The following ADAMTSL1 variants were observed in gnomAD, a reference collection of about 807,000 sequenced individuals.
ADAMTSL1 encodes the protein ADAMTS-like protein 1.
ADAMTSL1 carries 126 observed loss-of-function variants against 201.8 expected under a neutral mutation model. The observed-to-expected ratio is 0.62, with a 90% confidence interval of 0.54 to 0.72. The LOEUF is 0.72. Among genes scored for constraint, ADAMTSL1 ranks in the 30% least tolerant of loss-of-function variants. The pLI is 0.00. For missense variants in ADAMTSL1, 2,679 were observed against 2,277.8 expected, an observed-to-expected ratio of 1.18 and a Z score of -3.59; for synonymous variants, 1,121 against 903.4, an observed-to-expected ratio of 1.24 and a Z score of -4.32.
chr9:18,289,492 A>T (rs1029081732), intron 2 of ADAMTSL1, among the ~76,000 whole-genome samples: 14 of 152,226 alleles, frequency 9.2e-5, no homozygotes, highest in Non-Finnish European at 1.5e-4. Context: ...AGTTCAGCCA[A>T]CCATAGGAAT....
At chr9:18,009,037 C>A (rs558519423) in intron 1 of ADAMTSL1, among the ~76,000 whole-genome samples, 1 of 152,040 alleles carries the variant, frequency 6.6e-6, no homozygotes, top group Admixed American at 6.6e-5. Context: ...GCTGGTTACT[C>A]TCCCCTGCAG....
intron 2 of ADAMTSL1, among the ~76,000 whole-genome samples, chr9:18,323,616 C>A (rs1834713063): frequency 6.6e-6 from 1 of 152,006 alleles, no homozygotes; most frequent in Admixed American, 6.6e-5. Flanking sequence ...CCTAAATCAT[C>A]CACAAAAACA....
intron 23 of ADAMTSL1, among the ~76,000 whole-genome samples, chr9:18,887,391 T>C (rs955596678): frequency 2.0e-5 from 3 of 152,226 alleles, no homozygotes; most frequent in Admixed American, 2.0e-4. Flanking sequence ...TGAGGGAATA[T>C]GATACTTTTA....
intron 19 of ADAMTSL1, 122 bp downstream of exon 19, chr9:18,778,028 A>G: frequency 7.7e-7 from 1 of 1,299,346 alleles, no homozygotes; most frequent in East Asian, 2.5e-5. Flanking sequence ...GGCCTCGGGG[A>G]CCCCATCATG....
At chr9:18,867,839 G>T (rs1029783193) in intron 23 of ADAMTSL1, among the ~76,000 whole-genome samples, 4 of 152,074 alleles carry the variant, frequency 2.6e-5, no homozygotes, top group Non-Finnish European at 4.4e-5. Flanking sequence ...TCTTGGCCAG[G>T]CTGGTCTTGA....
chr9:18,853,918 T>TGTGCGCGC (rs139332733), intron 23 of ADAMTSL1, among the ~76,000 whole-genome samples: 12 of 145,488 alleles, frequency 8.2e-5, no homozygotes, highest in Admixed American at 2.0e-4. Flanking sequence ...TGTGTGTGTG[T>TGTGCGCGC]GCGCGTGCAT....
At chr9:18,658,300 T>C (rs1828849909) in intron 8 of ADAMTSL1, among the ~76,000 whole-genome samples, 1 of 152,182 alleles carries the variant, frequency 6.6e-6, no homozygotes, top group Non-Finnish European at 1.5e-5. Context: ...CTTCTCTCCT[T>C]GATTTTGTAG....
At chr9:18,121,587 C>G (rs147367124) in intron 1 of ADAMTSL1, among the ~76,000 whole-genome samples, 3,235 of 152,192 alleles carry the variant, frequency 0.021, 41 homozygotes, top group Middle Eastern at 0.075. Flanking sequence ...TATTTGAAAT[C>G]CCACTGAAAA....
At chr9:18,124,015 TTTG>T (rs1825617691) in intron 1 of ADAMTSL1, among the ~76,000 whole-genome samples, 1 of 152,020 alleles carries the variant, frequency 6.6e-6, no homozygotes, top group Admixed American at 6.6e-5. Context: ...TCATTGTGGT[TTTG>T]ATTTGCATTT....
At chr9:17,918,338 A>T (rs565969907) in intron 1 of ADAMTSL1, among the ~76,000 whole-genome samples, 2 of 150,048 alleles carry the variant, frequency 1.3e-5, no homozygotes, top group South Asian at 4.2e-4. Flanking sequence ...TTCTATATGT[A>T]TTTTTTTTTC....
At chr9:18,071,934 A>G (rs1822988481) in intron 1 of ADAMTSL1, among the ~76,000 whole-genome samples, 1 of 152,196 alleles carries the variant, frequency 6.6e-6, no homozygotes, top group Admixed American at 6.5e-5. Flanking sequence ...CATCTCCATT[A>G]GAGAGAAAAT....
chr9:18,482,854 G>T (rs967668152), intron 1 of ADAMTSL1, among the ~76,000 whole-genome samples: 1 of 152,304 alleles, frequency 6.6e-6, no homozygotes, highest in African/African-American at 2.4e-5. Context: ...AACGTTTTCA[G>T]AACTAGCCGG....
intron 14 of ADAMTSL1, among the ~76,000 whole-genome samples, chr9:18,711,972 C>A (rs1243723142): frequency 6.6e-6 from 1 of 152,142 alleles, no homozygotes; most frequent in Admixed American, 6.5e-5. Context: ...GGGAGGCACC[C>A]CCCAGCAGGG....
At chr9:18,611,151 A>T (rs1213264177) in intron 4 of ADAMTSL1, among the ~76,000 whole-genome samples, 1 of 152,202 alleles carries the variant, frequency 6.6e-6, no homozygotes, top group Non-Finnish European at 1.5e-5. Context: ...AGGGAGTCTG[A>T]GCAGTGATGT....
intron 1 of ADAMTSL1, among the ~76,000 whole-genome samples, chr9:18,131,648 G>A (rs903335181): frequency 1.3e-5 from 2 of 152,104 alleles, no homozygotes; most frequent in African/African-American, 4.8e-5. Flanking sequence ...ATAAGCTCTT[G>A]ATTGTGGCTG....
At chr9:17,959,444 T>TTTTTTTATTTTTA (rs1298352963) in intron 1 of ADAMTSL1, among the ~76,000 whole-genome samples, 1 of 152,082 alleles carries the variant, frequency 6.6e-6, no homozygotes, top group Non-Finnish European at 1.5e-5. Flanking sequence ...TTTAATCTGA[T>TTTTTTTATTTTTA]TTTTTTATTT....
chr9:18,765,619 A>T (rs1820313036), intron 16 of ADAMTSL1, among the ~76,000 whole-genome samples: 1 of 152,212 alleles, frequency 6.6e-6, no homozygotes. Flanking sequence ...TTTTAAAAGA[A>T]GGAAAAGGAG....
intron 2 of ADAMTSL1, among the ~76,000 whole-genome samples, chr9:18,330,250 T>G (rs1006645730): frequency 3.9e-5 from 6 of 152,136 alleles, no homozygotes; most frequent in African/African-American, 1.4e-4. Context: ...ACGCTGCCTA[T>G]TATTCTCAGT....
chr9:18,237,088 C>A (rs1830877808), intron 2 of ADAMTSL1, among the ~76,000 whole-genome samples: 1 of 152,174 alleles, frequency 6.6e-6, no homozygotes, highest in Non-Finnish European at 1.5e-5. Context: ...GAAAATAGAT[C>A]CAGACAATAA....
Sources: allele counts gnomAD v4.1 joint callset (sites outside exome capture counted in the v4.1 genomes callset), GRCh38; gene constraint gnomAD v4.1.1; transcripts MANE v1.5; gene names NCBI Gene and HGNC (gene_info 2026-07-23, HGNC 2026-07-21).